CASP1: variants seen among roughly 807,000 people sequenced by gnomAD.
CASP1 encodes the protein caspase 1, also known as caspase-1.
CASP1 carries 31 observed loss-of-function variants against 41.2 expected under a neutral mutation model. That is an observed-to-expected ratio of 0.75 (90% CI 0.57 to 1.02). The LOEUF (loss-of-function observed/expected upper bound fraction) is 1.02. Among genes scored for constraint, CASP1 ranks in the 50% least tolerant of loss-of-function variants. CASP1 has a pLI of 0.00. For missense variants in CASP1, 490 were observed against 495.7 expected, an observed-to-expected ratio of 0.99 and a Z score of 0.11; for synonymous variants, 163 against 166.5, an observed-to-expected ratio of 0.98 and a Z score of 0.16.
At chr11:105,026,590 TAG>T in intron 8 of CASP1, 1 of 601,288 alleles carries the variant, frequency 1.7e-6, no homozygotes. Flanking sequence ...ACAGGTAAAT[TAG>T]AGTCCATTCA....
chr11:105,034,602 C>T (rs1020664420), intron 1 of CASP1, 128 bp from the exon 2 acceptor site: 3 of 1,430,648 alleles, frequency 2.1e-6, no homozygotes, highest in Admixed American at 4.1e-5. Flanking sequence ...TGGGTAATCC[C>T]TCTTCTTACT....
upstream of CASP1, chr11:105,035,391 C>T: frequency 6.5e-6 from 3 of 463,052 alleles, no homozygotes; most frequent in Non-Finnish European, 1.2e-5. Context: ...TAAATTCACA[C>T]AGTGAAGAGT....
chr11:105,035,043 G>C, intron 1 of CASP1, 64 bp downstream of exon 1: 11 of 1,603,050 alleles, frequency 6.9e-6, no homozygotes, highest in Non-Finnish European at 9.4e-6. Flanking sequence ...GCTTCCAGAA[G>C]AGCCAGCCCC....
At chr11:105,030,625 A>C in intron 4 of CASP1, 122 bp from the exon 5 acceptor site, 1 of 756,380 alleles carries the variant, frequency 1.3e-6, no homozygotes, top group Admixed American at 2.9e-5. Context: ...TGAACCATAC[A>C]TTGAAAAGGG....
rs537816562 is a variant in CASP1 at position 105,034,674 on chromosome 11, G to A, written c.8-200C>T. The A allele has an allele frequency of 5.5e-4, 484 of 876,036 alleles. 1 individual carries two copies. The highest frequency in any genetic ancestry group is 9.1e-4 in the South Asian group (52 of 57,060). 54.3% of individuals were successfully genotyped at this position (876,036 alleles called of 1,614,324 possible). On this transcript the variant is annotated intron_variant, in intron 1 of 8. Coordinates refer to ENST00000533400, the MANE Select transcript of CASP1 (RefSeq NM_001257118.3). ...ATACATGTGCATGGAGTGACCTGAAGACTGAGTTTACCATTTCCACATCAG... is the reference window on the plus strand; with the variant it reads ...ATACATGTGCATGGAGTGACCTGAAAACTGAGTTTACCATTTCCACATCAG...
At position 105,035,010 on chromosome 11, in the gene CASP1, A is replaced by C. The variant is rs1157810105; in HGVS notation, c.7+97T>G. 4 of 1,516,978 alleles carry C rather than the reference A, an allele frequency of 2.6e-6. No homozygotes were observed. The Admixed American group carries it at 6.7e-5, about 26-fold the overall frequency. The allele number at this position is 1,516,978 out of a possible 1,614,324, so 94.0% of individuals were successfully genotyped here. A position where few individuals can be genotyped will look rare whatever the true frequency, so the allele number is the denominator to read the frequency against. ...CCTTTTCCTTGCTTCTACTCAAGTA[A>C]ACTTCCACAGATGCTAATTATGGCT... is the stretch of plus-strand genomic sequence containing the variant. On this transcript the variant is annotated intron_variant, in intron 1 of 8. Transcript: ENST00000533400.
chr11:105,027,349 A>C (rs1382159032), intron 7 of CASP1, among the ~76,000 whole-genome samples: 1 of 135,972 alleles, frequency 7.4e-6, no homozygotes, highest in Non-Finnish European at 1.5e-5. Context: ...ATAAAAGATT[A>C]ATCGAAATTA....
In CASP1 at chr11:105,026,909, A is replaced by C; in HGVS notation, c.1049T>G (p.Ile350Ser). 1.2e-6 allele frequency: 2 copies of C among 1,610,474 alleles called. No individual in the cohort carries two copies. The highest frequency in any genetic ancestry group is 1.7e-6 in the Non-Finnish European group (2 of 1,176,862). Residue 350 changes from isoleucine to serine, a missense_variant, in exon 8 of 9, where the codon ATT (isoleucine) becomes AGT (serine). Physicochemically the swap from Ile to Ser is moderately radical, Grantham distance 142 (BLOSUM62 -2). Coordinates refer to ENST00000533400, the MANE Select transcript of CASP1 (RefSeq NM_001257118.3). ...WRHPTMGSVF[I>S]GRLIEHMQEY... ...TTGCATATGTTCAATGAGTCTTCCAATAAAAACAGAGCCCATTGTGGGATG... is the reference window on the plus strand; with the variant it reads ...TTGCATATGTTCAATGAGTCTTCCACTAAAAACAGAGCCCATTGTGGGATG...
rs137959643 is a variant in CASP1 at position 105,030,477 on chromosome 11, G to T, written c.480C>A (p.Ser160Arg). 27 of 1,612,766 alleles carry T rather than the reference G, an allele frequency of 1.7e-5. No homozygotes were observed. The highest frequency in any genetic ancestry group is 2.2e-5 in the Non-Finnish European group (26 of 1,179,348). ...AGATAATGAGAGCAAGACGTGTGCG[G>T]CTTGACTTGTCCATTATTGGATAAA... ...AEIYPIMDKSSRTRLALIICN... is the reference protein window; with the variant it reads ...AEIYPIMDKSRRTRLALIICN... Residue 160 changes from serine (S) to arginine (R), a missense_variant, in exon 5 of 9, where the codon AGC becomes AGA. Transcript: ENST00000533400.
At chr11:105,027,005 G>A (rs753084040) in intron 7 of CASP1, 54 bp from the exon 8 acceptor site, 2 of 986,428 alleles carry the variant, frequency 2.0e-6, no homozygotes, top group Admixed American at 1.7e-5. Flanking sequence ...TGAAGAAAGA[G>A]AAGAAACCCT....
At chr11:105,031,022 G>T (rs758126844) in intron 4 of CASP1, 143 bp downstream of exon 4, 8 of 605,404 alleles carry the variant, frequency 1.3e-5, no homozygotes, top group Non-Finnish European at 2.4e-5. Context: ...CTAGGATATA[G>T]AAATCCTTTA....
chr11:105,034,942 AG>A (rs1006264267), intron 1 of CASP1, among the ~76,000 whole-genome samples, 164 bp downstream of exon 1: 1 of 152,042 alleles, frequency 6.6e-6, no homozygotes, highest in African/African-American at 2.4e-5. Context: ...TCCTTTCTAA[AG>A]TCTGCAAGAA....
chr11:105,030,312 T>A lies in CASP1; in HGVS notation c.627+18A>T, dbSNP rs770928654. On this transcript the variant is annotated intron_variant, in intron 5 of 8. Coordinates refer to ENST00000533400, the MANE Select transcript of CASP1 (RefSeq NM_001257118.3). ...ACGAAGGGCATAACCATTGTTTCTG[T>A]TGTATAATAGAACTTACCGAAGCAG... is the stretch of plus-strand genomic sequence containing the variant. 1 of 1,597,386 alleles carries A rather than the reference T, an allele frequency of 6.3e-7. No homozygotes were observed. The highest frequency in any genetic ancestry group is 2.2e-5 in the East Asian group (1 of 44,800).
At position 105,028,197 on chromosome 11, in the gene CASP1, G is replaced by A. The variant is rs143209905; in HGVS notation, c.1006+927C>T. On this transcript the variant is annotated intron_variant, in intron 7 of 8. Coordinates refer to ENST00000533400, the MANE Select transcript of CASP1 (RefSeq NM_001257118.3). ...AAAAATTATTGAGTTCTACATCAGGGCATGTTCAACCCAATGTAGAACCAA... is the reference window on the plus strand; with the variant it reads ...AAAAATTATTGAGTTCTACATCAGGACATGTTCAACCCAATGTAGAACCAA... 2.5e-3 allele frequency among the ~76,000 whole-genome samples: 384 copies of A among 152,166 alleles called. 3 individuals are homozygous for A. Among genetic ancestry groups the A allele is most frequent in the African/African-American group, 8.6e-3 (359 of 41,540 alleles).
intron 7 of CASP1, 127 bp from the exon 8 acceptor site, chr11:105,027,078 GC>G (rs1863352689): frequency 1.1e-5 from 8 of 711,520 alleles, no homozygotes; most frequent in Middle Eastern, 3.2e-4. Flanking sequence ...TAAGGAAAAG[GC>G]GGAATGGGGT....
Position 105,026,057 on chromosome 11 carries a change from T to G in CASP1, c.*201A>C. The G allele has an allele frequency of 2.3e-6, 1 of 443,944 alleles. No homozygotes were observed. Among genetic ancestry groups the G allele is most frequent in the Non-Finnish European group, 4.0e-6 (1 of 249,176 alleles). 27.5% of individuals were successfully genotyped at this position (443,944 alleles called of 1,614,324 possible). A position where few individuals can be genotyped will look rare whatever the true frequency, so the allele number is the denominator to read the frequency against. On this transcript the variant is annotated 3_prime_UTR_variant, in exon 9 of 9. Coordinates refer to ENST00000533400, the MANE Select transcript of CASP1 (RefSeq NM_001257118.3). ...TAATTTGAAATGTTTCAATAAACAT[T>G]TCCTTTGAATATCATGTGGGCGCTC...
chr11:105,030,560 T>A, intron 4 of CASP1, 57 bp from the exon 5 acceptor site: 1 of 1,494,678 alleles, frequency 6.7e-7, no homozygotes, highest in African/African-American at 1.4e-5. Context: ...AATATTTCCC[T>A]TCCTGGTTTA....
rs1863235679 is a variant in CASP1, at chr11:105,025,770, G to A, written c.*488C>T. The stretch of plus-strand genomic sequence containing the variant: ...AGGTGAAGGAGAGAAACATCCAAAA[G>A]TGAGGGTTTGTAGTCTTACGGCCAC... On this transcript the variant is annotated 3_prime_UTR_variant, in exon 9 of 9. Transcript: ENST00000533400. 1 of 286,394 alleles carries A rather than the reference G, an allele frequency of 3.5e-6. No individual in the cohort carries two copies. The highest frequency in any genetic ancestry group is 6.8e-6 in the Non-Finnish European group (1 of 146,358). The allele number at this position is 286,394 out of a possible 1,614,324, so 17.7% of individuals were successfully genotyped here. A position where few individuals can be genotyped will look rare whatever the true frequency, so the allele number is the denominator to read the frequency against.
intron 2 of CASP1, 146 bp downstream of exon 2, chr11:105,034,062 T>C: frequency 6.9e-6 from 9 of 1,304,100 alleles, no homozygotes; most frequent in Non-Finnish European, 9.9e-6. Context: ...TCAAGGGACA[T>C]GCAATAGGGA....
Sources: allele counts gnomAD v4.1 joint callset (sites outside exome capture counted in the v4.1 genomes callset), GRCh38; gene constraint gnomAD v4.1.1; transcripts MANE v1.5; gene names NCBI Gene and HGNC (gene_info 2026-07-23, HGNC 2026-07-21).